Variants in TRIM27 observed in about 807,000 individuals in gnomAD.
TRIM27 encodes the protein zinc finger protein RFP.
In TRIM27, 12 loss-of-function variants were observed where a neutral mutation model predicts 57.6. The ratio of observed to expected loss-of-function variants is 0.21; its 90% CI spans 0.13 to 0.34. TRIM27 has a LOEUF of 0.34. Among genes scored for constraint, TRIM27 ranks in the 10% least tolerant of loss-of-function variants. The pLI is 1.00. For missense variants in TRIM27, 403 were observed against 656.8 expected, an observed-to-expected ratio of 0.61 and a Z score of 4.22; for synonymous variants, 266 against 259.0, an observed-to-expected ratio of 1.03 and a Z score of -0.26.
At chr6:28,906,967 TG>T (rs1400641387) in intron 7 of TRIM27, 1 of 459,838 alleles carries the variant, frequency 2.2e-6, no homozygotes, top group African/African-American at 2.0e-5. Context: ...GTTCTACTTT[TG>T]GGGAACTGCG....
At chr6:28,916,109 GTTTCA>G (rs1397025688) in intron 3 of TRIM27, among the ~76,000 whole-genome samples, 1 of 151,852 alleles carries the variant, frequency 6.6e-6, no homozygotes, top group Non-Finnish European at 1.5e-5. Flanking sequence ...TAGGGACGGG[GTTTCA>G]CCATGTTGGC....
At chr6:28,922,068 TC>T in intron 1 of TRIM27, 81 bp from the exon 2 acceptor site, 1 of 1,030,712 alleles carries the variant, frequency 9.7e-7, no homozygotes, top group South Asian at 1.3e-5. Context: ...ACACATGGAG[TC>T]CACACACCTG....
intron 3 of TRIM27, among the ~76,000 whole-genome samples, chr6:28,912,417 T>C (rs1773273788): frequency 6.6e-6 from 1 of 152,048 alleles, no homozygotes; most frequent in African/African-American, 2.4e-5. Context: ...TCTCCCTTCT[T>C]TCATACACAA....
At chr6:28,919,946 C>T (rs1427851736) in intron 3 of TRIM27, 66 bp downstream of exon 3, 2 of 1,485,038 alleles carry the variant, frequency 1.3e-6, no homozygotes, top group Non-Finnish European at 1.8e-6. Context: ...CTGGATACTA[C>T]TTGGCAAAGG....
Position 28,920,118 on chromosome 6 carries a change from C to T in TRIM27, c.641G>A (p.Ser214Asn). 3 of 1,614,180 alleles carry T rather than the reference C, an allele frequency of 1.9e-6. No homozygotes were observed. Among genetic ancestry groups the T allele is most frequent in the Non-Finnish European group, 2.5e-6 (3 of 1,180,030 alleles). Reference protein sequence around the residue: ...LEELDLAIYNSINGAITQFSC... With the variant: ...LEELDLAIYNNINGAITQFSC... Reference sequence around the variant, plus strand: ...GAACTGGGTGATGGCACCATTGATGCTATTGTAGATGGCCAAGTCTAGCTC... The same window carrying T: ...GAACTGGGTGATGGCACCATTGATGTTATTGTAGATGGCCAAGTCTAGCTC... Residue 214 changes from serine to asparagine, a missense_variant, in exon 3 of 8, where the codon AGC becomes AAC. Transcript: ENST00000377199.
At chr6:28,917,433 C>T (rs1473743462) in intron 3 of TRIM27, among the ~76,000 whole-genome samples, 1 of 151,950 alleles carries the variant, frequency 6.6e-6, no homozygotes, top group Non-Finnish European at 1.5e-5. Flanking sequence ...CAAAAATTAG[C>T]TGGGCGTGGT....
chr6:28,919,081 T>C (rs1321167485), intron 3 of TRIM27, among the ~76,000 whole-genome samples: 1 of 151,868 alleles, frequency 6.6e-6, no homozygotes, highest in Non-Finnish European at 1.5e-5. Flanking sequence ...TGGCGCGATC[T>C]TGGCTCACTG....
At chr6:28,905,399 C>T (rs181433424) in intron 7 of TRIM27, 13 of 152,238 alleles carry the variant, frequency 8.5e-5, no homozygotes, top group Non-Finnish European at 8.8e-5. Flanking sequence ...CTAAACAGTA[C>T]CACATAAATT....
At chr6:28,909,147 GC>G in intron 4 of TRIM27, 59 bp from the exon 5 acceptor site, 2 of 1,282,260 alleles carry the variant, frequency 1.6e-6, no homozygotes, top group Middle Eastern at 1.9e-4. Flanking sequence ...TTCGCTTGTT[GC>G]CCAGGCTGGA....
At chr6:28,920,300 C>T in intron 2 of TRIM27, 58 bp from the exon 3 acceptor site, 3 of 1,434,268 alleles carry the variant, frequency 2.1e-6, no homozygotes, top group Non-Finnish European at 2.8e-6. Flanking sequence ...CTAGGGCCTT[C>T]ATAGTTCTCC....
At chr6:28,907,461 G>A (rs1184164425) in intron 6 of TRIM27, 199 bp from the exon 7 acceptor site, 1 of 713,776 alleles carries the variant, frequency 1.4e-6, no homozygotes, top group Non-Finnish European at 2.6e-6. Flanking sequence ...GAGAGGGATT[G>A]GGAATCTTAA....
chr6:28,919,710 G>A (rs184605741), intron 3 of TRIM27, among the ~76,000 whole-genome samples: 1 of 152,210 alleles, frequency 6.6e-6, no homozygotes, highest in African/African-American at 2.4e-5. Context: ...AGGTCACTGA[G>A]GCCCAAAAAG....
chr6:28,907,520 T>G (rs1195654412), intron 6 of TRIM27: 2 of 680,520 alleles, frequency 2.9e-6, no homozygotes, highest in East Asian at 2.9e-5. Flanking sequence ...GGGATAAAAC[T>G]GAGCCAAGAT....
At position 28,920,246 on chromosome 6, in the gene TRIM27, T is replaced by G. The variant is rs1428607893; in HGVS notation, c.517-4A>C. 6.3e-7 allele frequency: 1 copy of G among 1,587,906 alleles called. No individual in the cohort carries two copies. Among genetic ancestry groups the G allele is most frequent in the South Asian group, 1.1e-5 (1 of 88,998 alleles). On this transcript the variant is annotated splice_polypyrimidine_tract_variant and splice_region_variant and intron_variant, in intron 2 of 7. Transcript: ENST00000377199. ...CCCTCTCCATCTGGGTTAGGCTCTA[T>G]GCAGACGACAGGGAAAGGCAGTAAA...
At chr6:28,914,590 G>C (rs932351083) in intron 3 of TRIM27, among the ~76,000 whole-genome samples, 2 of 100,826 alleles carry the variant, frequency 2.0e-5, no homozygotes, top group Non-Finnish European at 3.8e-5. Context: ...GTGGGGGGGG[G>C]GGGATGAGGG....
At position 28,911,683 on chromosome 6, in the gene TRIM27, C is replaced by G. The variant is rs1166663097; in HGVS notation, c.770+13G>C. The G allele has an allele frequency of 2.5e-6, 4 of 1,610,324 alleles. No individual in the cohort carries two copies. Among genetic ancestry groups the G allele is most frequent in the Non-Finnish European group, 3.4e-6 (4 of 1,178,810 alleles). ...CATATTTGATTTAACACTAGGGAAACAGAAAACTATACCTGCTCAATGTGT... is the reference window on the plus strand; with the variant it reads ...CATATTTGATTTAACACTAGGGAAAGAGAAAACTATACCTGCTCAATGTGT... On this transcript the variant is annotated intron_variant, in intron 4 of 7. Coordinates refer to ENST00000377199, the MANE Select transcript of TRIM27 (RefSeq NM_006510.5).
chr6:28,903,490 C>A lies in TRIM27; in HGVS notation c.*580G>T, dbSNP rs1208645469. 8.6e-6 allele frequency: 2 copies of A among 233,856 alleles called. No individual in the cohort carries two copies. The highest frequency in any genetic ancestry group is 1.2e-4 in the East Asian group (2 of 16,592). The allele number at this position is 233,856 out of a possible 1,614,324, so 14.5% of individuals were successfully genotyped here. A position where few individuals can be genotyped will look rare whatever the true frequency, so the allele number is the denominator to read the frequency against. ...ATAACAGAGGTGGGGCCATTACCCACCATTATTGTAAAATAACTGTAACTA... is the reference window on the plus strand; with the variant it reads ...ATAACAGAGGTGGGGCCATTACCCAACATTATTGTAAAATAACTGTAACTA... On this transcript the variant is annotated 3_prime_UTR_variant, in exon 8 of 8. Coordinates refer to ENST00000377199, the MANE Select transcript of TRIM27 (RefSeq NM_006510.5).
At position 28,923,546 on chromosome 6, in the gene TRIM27, G is replaced by T; in HGVS notation, c.87C>A (p.Leu29=). 1 of 1,611,562 alleles carries T rather than the reference G, an allele frequency of 6.2e-7. No individual in the cohort carries two copies. Among genetic ancestry groups the T allele is most frequent in the East Asian group, 2.2e-5 (1 of 44,824 alleles). ...CGCAACAGATGTTATGGCCGCAGTC[G>T]AGCATCATGGGCTCTGCGAAGTACT... ...CLQYFAEPMM[L]DCGHNICCAC... The change falls in exon 1 of 8, where the codon CTC becomes CTA. Residue 29 remains leucine (L), a synonymous_variant. Transcript: ENST00000377199.
At position 28,903,438 on chromosome 6, in the gene TRIM27, CAG is replaced by C. The variant is rs1160551555; in HGVS notation, c.*630_*631del. 10 of 233,284 alleles carry C rather than the reference CAG, an allele frequency of 4.3e-5. No individual in the cohort carries two copies. The highest frequency in any genetic ancestry group is 8.5e-5 in the Non-Finnish European group (10 of 118,178). 14.5% of individuals were successfully genotyped at this position (233,284 alleles called of 1,614,324 possible). A position where few individuals can be genotyped will look rare whatever the true frequency, so the allele number is the denominator to read the frequency against. ...AAAGCCCTCAGAAAAGATACAAAGGCAGAGACATTGATTAGAACATTATCTCA... is the reference window on the plus strand; with the variant it reads ...AAAGCCCTCAGAAAAGATACAAAGGCAGACATTGATTAGAACATTATCTCA... On this transcript the variant is annotated 3_prime_UTR_variant, in exon 8 of 8. Transcript: ENST00000377199.
Sources: gnomAD v4.1 joint callset for allele counts (sites outside exome capture counted in the v4.1 genomes callset) on GRCh38, gnomAD v4.1.1 for gene constraint, MANE v1.5 for transcripts, NCBI Gene and HGNC (gene_info 2026-07-23, HGNC 2026-07-21) for gene names.